The following FAM114A2 variants were observed in gnomAD, a reference collection of about 807,000 sequenced individuals.
The protein encoded by FAM114A2 is family with sequence similarity 114 member A2.
A neutral mutation model predicts 58.4 loss-of-function variants in FAM114A2; 53 were observed. That is an observed-to-expected ratio of 0.91 (90% CI 0.73 to 1.14). FAM114A2 has a LOEUF of 1.14. Ranked by LOEUF, FAM114A2 falls within the 50% of genes most tolerant of loss-of-function variation. FAM114A2 has a pLI of 0.00. For synonymous variants in FAM114A2, 228 were observed against 211.4 expected, an observed-to-expected ratio of 1.08 and a Z score of -0.68; for missense variants, 601 against 581.1, an observed-to-expected ratio of 1.03 and a Z score of -0.35.
In FAM114A2 at chr5:154,027,353, A is replaced by G. The variant is rs201640110; in HGVS notation, c.631-19T>C. 7 of 1,600,654 alleles carry G rather than the reference A, an allele frequency of 4.4e-6. 1 individual carries two copies. Among genetic ancestry groups the G allele is most frequent in the Middle Eastern group, 3.3e-4 (2 of 5,972 alleles). On this transcript the variant is annotated intron_variant, in intron 6 of 13. Transcript: ENST00000351797. Reference sequence around the variant, plus strand: ...GTAAAACCTAAAAAGAGATGGAGGCATTACACTGTAGCAAACAATGAGAGC... The same window carrying G: ...GTAAAACCTAAAAAGAGATGGAGGCGTTACACTGTAGCAAACAATGAGAGC...
chr5:154,025,663 GAAGAA>G (rs1052574393), intron 8 of FAM114A2, among the ~76,000 whole-genome samples: 16 of 151,690 alleles, frequency 1.1e-4, no homozygotes, highest in African/African-American at 3.4e-4. Flanking sequence ...ATTATTTCAT[GAAGAA>G]AAGGCAAAAC....
chr5:153,995,115 C>A, intron 12 of FAM114A2, 143 bp from the exon 13 acceptor site: 1 of 594,536 alleles, frequency 1.7e-6, no homozygotes, highest in Non-Finnish European at 3.0e-6. Context: ...AGCAAAATGT[C>A]ATCTTTAGAA....
chr5:154,016,345 A>C (rs964648256), intron 8 of FAM114A2, among the ~76,000 whole-genome samples: 1 of 152,194 alleles, frequency 6.6e-6, no homozygotes, highest in Non-Finnish European at 1.5e-5. Flanking sequence ...CAAGGGAAAG[A>C]ATCTCAAGCT....
chr5:154,001,726 GA>G (rs1170196767), intron 11 of FAM114A2, among the ~76,000 whole-genome samples: 5 of 151,972 alleles, frequency 3.3e-5, no homozygotes, highest in Non-Finnish European at 7.4e-5. Context: ...AATAAAATGA[GA>G]AAAAAAGAAT....
intron 11 of FAM114A2, among the ~76,000 whole-genome samples, chr5:153,998,947 T>C (rs1769774122): frequency 6.6e-6 from 1 of 152,164 alleles, no homozygotes; most frequent in African/African-American, 2.4e-5. Context: ...AACAAAAACA[T>C]ATGCTGAGGC....
At chr5:154,005,796 A>C (rs1203990791) in intron 9 of FAM114A2, among the ~76,000 whole-genome samples, 1 of 152,220 alleles carries the variant, frequency 6.6e-6, no homozygotes, top group Non-Finnish European at 1.5e-5. Flanking sequence ...AACTTTACAT[A>C]CACAGAATGT....
Position 154,006,188 on chromosome 5 carries a change from G to C in FAM114A2, c.994-3219C>G, listed in dbSNP as rs1481081968. ...TAGCAAGACCAAAATATAGGATACT[G>C]GCATTTTACTCATTCATTTATTGCA... On this transcript the variant is annotated intron_variant, in intron 9 of 13. Coordinates refer to ENST00000351797, the MANE Select transcript of FAM114A2 (RefSeq NM_018691.4). 2.0e-5 allele frequency among the ~76,000 whole-genome samples: 3 copies of C among 152,172 alleles called. No homozygotes were observed. The East Asian group carries it at 5.8e-4, about 29-fold the overall frequency.
At chr5:154,024,357 TA>T (rs1771640204) in intron 8 of FAM114A2, among the ~76,000 whole-genome samples, 1 of 152,112 alleles carries the variant, frequency 6.6e-6, no homozygotes, top group Non-Finnish European at 1.5e-5. Flanking sequence ...TTCAAAACAG[TA>T]AACCCATACC....
Position 154,034,897 on chromosome 5 carries a change from A to AGTT in FAM114A2, c.56_57insAAC (p.Leu19_Glu20insThr). 1 of 1,613,964 alleles carries AGTT rather than the reference A, an allele frequency of 6.2e-7. No homozygotes were observed. The highest frequency in any genetic ancestry group is 8.5e-7 in the Non-Finnish European group (1 of 1,179,852). ...TGGCTGGCTCACAGTTTCCATCTTC[A>AGTT]AGGATGGGGGCTGCTTCAGTTAGCA... is the stretch of plus-strand genomic sequence containing the variant. On this transcript the variant is annotated inframe_insertion, in exon 2 of 14. Coordinates refer to ENST00000351797, the MANE Select transcript of FAM114A2 (RefSeq NM_018691.4).
At position 154,002,984 on chromosome 5, in the gene FAM114A2, T is replaced by C. The variant is rs2113239778; in HGVS notation, c.994-15A>G. The C allele has an allele frequency of 1.9e-6, 3 of 1,612,990 alleles. No individual in the cohort carries two copies. Among genetic ancestry groups the C allele is most frequent in the Non-Finnish European group, 2.5e-6 (3 of 1,179,400 alleles). On this transcript the variant is annotated splice_polypyrimidine_tract_variant and intron_variant, in intron 9 of 13. Coordinates refer to ENST00000351797, the MANE Select transcript of FAM114A2 (RefSeq NM_018691.4). ...GTATTTCTTGCCTAAATAAGAAAAA[T>C]ATTGGCCATCAACAATTCAATTCAG...
chr5:154,027,127 T>C lies in FAM114A2; in HGVS notation c.789+49A>G. 5 of 1,476,408 alleles carry C rather than the reference T, an allele frequency of 3.4e-6. 1 individual carries two copies. The highest frequency in any genetic ancestry group is 4.6e-6 in the Non-Finnish European group (5 of 1,078,608). The allele number at this position is 1,476,408 out of a possible 1,614,324, so 91.5% of individuals were successfully genotyped here. A position where few individuals can be genotyped will look rare whatever the true frequency, so the allele number is the denominator to read the frequency against. On this transcript the variant is annotated intron_variant, in intron 7 of 13. Transcript: ENST00000351797. ...CAAAGAGAAAGGAAACCATGCAGCA[T>C]TCTTTTACTTGAAGACTTTTTCCAG...
intron 13 of FAM114A2, 61 bp from the exon 14 acceptor site, chr5:153,993,171 T>C: frequency 7.7e-6 from 11 of 1,421,980 alleles, no homozygotes; most frequent in Non-Finnish European, 9.6e-6. Context: ...GAAGATATAC[T>C]GTAAGGCAAC....
chr5:154,034,309 G>C lies in FAM114A2; in HGVS notation c.279C>G (p.Leu93=). The change falls in exon 3 of 14, where the codon CTC becomes CTG. Residue 93 remains leucine (L), a synonymous_variant. Transcript: ENST00000351797. ...TAGCTACTGTAGCCGAGGCTGAGGA[G>C]AGTATGGACTTGCCCCAGCTCCCCC... ...GYWGSWGKSI[L]SSASATVATV... is the part of the protein sequence containing the mutation. The C allele has an allele frequency of 6.3e-7, 1 of 1,599,378 alleles. No individual in the cohort carries two copies. The highest frequency in any genetic ancestry group is 8.5e-7 in the Non-Finnish European group (1 of 1,172,286).
intron 6 of FAM114A2, among the ~76,000 whole-genome samples, chr5:154,027,765 T>A (rs1302361910): frequency 6.6e-6 from 1 of 152,188 alleles, no homozygotes; most frequent in Non-Finnish European, 1.5e-5. Context: ...CCTCCCAAAG[T>A]GCTGGTATTA....
At chr5:154,019,453 C>T (rs1466296018) in intron 8 of FAM114A2, among the ~76,000 whole-genome samples, 5 of 152,126 alleles carry the variant, frequency 3.3e-5, no homozygotes, top group Admixed American at 1.3e-4. Context: ...AATGACCACA[C>T]CACCCAAAGC....
intron 3 of FAM114A2, among the ~76,000 whole-genome samples, 170 bp from the exon 4 acceptor site, chr5:154,034,053 A>G (rs920301518): frequency 3.9e-5 from 6 of 152,218 alleles, no homozygotes; most frequent in Non-Finnish European, 8.8e-5. Context: ...TCATCACCAA[A>G]GAATAAGTTC....
intron 8 of FAM114A2, among the ~76,000 whole-genome samples, chr5:154,020,239 C>G (rs1257143997): frequency 1.3e-5 from 2 of 152,066 alleles, no homozygotes; most frequent in African/African-American, 2.4e-5. Context: ...ATTAAAAGAA[C>G]TAGAGAAGCA....
chr5:154,023,398 TAAAG>T (rs1295823242), intron 8 of FAM114A2, among the ~76,000 whole-genome samples: 1 of 152,044 alleles, frequency 6.6e-6, no homozygotes, highest in African/African-American at 2.4e-5. Flanking sequence ...AACGAGTAGA[TAAAG>T]AAACTGTGGT....
intron 10 of FAM114A2, 96 bp from the exon 11 acceptor site, chr5:154,002,486 C>A: frequency 7.8e-7 from 1 of 1,278,718 alleles, no homozygotes; most frequent in Admixed American, 2.0e-5. Context: ...GTAGCAGAGA[C>A]TAATAGTTGC....
Sources: allele counts gnomAD v4.1 joint callset (sites outside exome capture counted in the v4.1 genomes callset), GRCh38; gene constraint gnomAD v4.1.1; transcripts MANE v1.5; gene names NCBI Gene and HGNC (gene_info 2026-07-23, HGNC 2026-07-21).